Variants in PSMD1 observed in about 807,000 individuals in gnomAD.
PSMD1 encodes the protein 26S proteasome non-ATPase regulatory subunit 1.
Under a neutral mutation model 119.0 loss-of-function variants are expected in PSMD1, and 18 were observed. That is an observed-to-expected ratio of 0.15 (90% confidence interval 0.10 to 0.22). The LOEUF is 0.22. Among genes scored for constraint, PSMD1 ranks in the 10% least tolerant of loss-of-function variants. PSMD1 has a pLI of 1.00. For synonymous variants in PSMD1, 374 were observed against 396.6 expected (o/e 0.94, Z 0.68); for missense variants, 702 against 1,158.5 (o/e 0.61, Z 5.72).
chr2:231,057,079 C>T, intron 1 of PSMD1, 38 bp downstream of exon 1: 1 of 1,486,606 alleles, frequency 6.7e-7, no homozygotes, highest in Non-Finnish European at 8.9e-7. Flanking sequence ...GAGGGAGGAG[C>T]CGCCGCCGCG....
At chr2:231,083,104 C>A in intron 13 of PSMD1, 110 bp downstream of exon 13, 1 of 849,834 alleles carries the variant, frequency 1.2e-6, no homozygotes, top group Non-Finnish European at 1.8e-6. Flanking sequence ...ATGGATTTCT[C>A]TAGTTGAAGA....
intron 16 of PSMD1, among the ~76,000 whole-genome samples, chr2:231,137,391 A>C (rs1200281122): frequency 6.6e-6 from 1 of 152,094 alleles, no homozygotes; most frequent in African/African-American, 2.4e-5. Flanking sequence ...CTGGGATTAC[A>C]GGCATGAGCC....
chr2:231,075,710 A>T (rs1419218219), intron 8 of PSMD1, 139 bp downstream of exon 8: 1 of 684,622 alleles, frequency 1.5e-6, no homozygotes, highest in Non-Finnish European at 2.4e-6. Flanking sequence ...CTCCCAAGTA[A>T]ATGGCTGGGA....
intron 23 of PSMD1, among the ~76,000 whole-genome samples, chr2:231,166,596 C>T (rs1055001784): frequency 8.6e-5 from 13 of 151,592 alleles, no homozygotes; most frequent in Non-Finnish European, 1.6e-4. Flanking sequence ...TAATTTATTC[C>T]AAGACAGAGT....
chr2:231,160,415 C>T (rs1696610552), intron 19 of PSMD1, among the ~76,000 whole-genome samples: 1 of 152,166 alleles, frequency 6.6e-6, no homozygotes, highest in Non-Finnish European at 1.5e-5. Flanking sequence ...TATAAATCTT[C>T]ATAATTTGTA....
In PSMD1 at chr2:231,086,030, C is replaced by A. The variant is rs1364169343; in HGVS notation, c.1818+916C>A. ...AAAGCCATAATGCAGCTGAAATAGTCTTTTTCTTTTTTTTTTTTTAGCGAC... is the reference window on the plus strand; with the variant it reads ...AAAGCCATAATGCAGCTGAAATAGTATTTTTCTTTTTTTTTTTTTAGCGAC... On this transcript the variant is annotated intron_variant, in intron 15 of 24. Transcript: ENST00000308696. 6.0e-5 allele frequency among the ~76,000 whole-genome samples: 9 copies of A among 151,064 alleles called. No individual in the cohort carries two copies. The East Asian group carries it at 1.4e-3, about 23-fold the overall frequency.
chr2:231,133,453 T>G (rs1574760558), intron 16 of PSMD1: 1 of 152,216 alleles, frequency 6.6e-6, no homozygotes, highest in Non-Finnish European at 1.5e-5. Flanking sequence ...CCTGAAAAAT[T>G]CCCTCTGAAT....
intron 5 of PSMD1, among the ~76,000 whole-genome samples, chr2:231,068,857 A>G (rs1693969915): frequency 6.6e-6 from 1 of 152,258 alleles, no homozygotes; most frequent in African/African-American, 2.4e-5. Flanking sequence ...TTTAATTGAA[A>G]AAGTGAAAAT....
At chr2:231,123,809 C>A in intron 16 of PSMD1, 2 of 1,402,816 alleles carry the variant, frequency 1.4e-6, no homozygotes, top group Non-Finnish European at 2.0e-6. Flanking sequence ...CAGTGGTCAG[C>A]ATGGTTAGTA....
At chr2:231,144,529 T>C (rs1338657946) in intron 17 of PSMD1, among the ~76,000 whole-genome samples, 2 of 144,884 alleles carry the variant, frequency 1.4e-5, no homozygotes, top group African/African-American at 5.2e-5. Flanking sequence ...TCCACCCTCC[T>C]TGGCCTCCCA....
At chr2:231,115,969 C>T (rs1367597274) in intron 16 of PSMD1, among the ~76,000 whole-genome samples, 3 of 152,066 alleles carry the variant, frequency 2.0e-5, no homozygotes, top group Non-Finnish European at 4.4e-5. Flanking sequence ...AGGTTTGTGT[C>T]TGAGTCTTAA....
rs908272867 is a variant in PSMD1, at chr2:231,067,664, C to CT, written c.510+563dup. ...TATTTTTTACATTTCTTTTTTCTTT[C>CT]TTTTTTTTTTGAGATGGAGTCTCGC... On this transcript the variant is annotated intron_variant, in intron 5 of 24. Transcript: ENST00000308696. 1.8e-3 allele frequency among the ~76,000 whole-genome samples: 267 copies of CT among 149,184 alleles called. 2 individuals are homozygous for CT. Among genetic ancestry groups the CT allele is most frequent in the African/African-American group, 6.1e-3 (250 of 40,766 alleles).
At chr2:231,068,183 A>G (rs1049795943) in intron 5 of PSMD1, among the ~76,000 whole-genome samples, 1 of 152,132 alleles carries the variant, frequency 6.6e-6, no homozygotes, top group African/African-American at 2.4e-5. Flanking sequence ...TTCCCACTAG[A>G]TCATAAGCTA....
At chr2:231,101,191 C>T (rs1047056490) in intron 16 of PSMD1, among the ~76,000 whole-genome samples, 1 of 152,124 alleles carries the variant, frequency 6.6e-6, no homozygotes, top group Non-Finnish European at 1.5e-5. Flanking sequence ...AGAGAGCAGT[C>T]CTGCACACGA....
intron 14 of PSMD1, among the ~76,000 whole-genome samples, chr2:231,084,761 C>CT (rs1240179909): frequency 6.6e-6 from 1 of 152,156 alleles, no homozygotes; most frequent in Non-Finnish European, 1.5e-5. Context: ...GTTGACTTGA[C>CT]TTTATACTTC....
At chr2:231,061,881 CCA>C (rs759285570) in intron 2 of PSMD1, among the ~76,000 whole-genome samples, 4 of 152,130 alleles carry the variant, frequency 2.6e-5, no homozygotes, top group Non-Finnish European at 5.9e-5. Flanking sequence ...TTCCCCCGCC[CCA>C]GTTTCATTAT....
intron 21 of PSMD1, 128 bp downstream of exon 21, chr2:231,163,855 C>A: frequency 1.4e-6 from 1 of 700,082 alleles, no homozygotes; most frequent in Non-Finnish European, 2.3e-6. Flanking sequence ...TGACATTACA[C>A]AAGAATATGA....
At chr2:231,076,211 G>A (rs1010730008) in intron 8 of PSMD1, among the ~76,000 whole-genome samples, 10 of 152,286 alleles carry the variant, frequency 6.6e-5, no homozygotes, top group African/African-American at 2.2e-4. Flanking sequence ...TATATGGGAG[G>A]GAGGCTAATT....
rs755777112 is a variant in PSMD1 at position 231,146,227 on chromosome 2, T to A, written c.1999-13T>A. 4.4e-6 allele frequency: 7 copies of A among 1,582,420 alleles called. No individual in the cohort carries two copies. The highest frequency in any genetic ancestry group is 3.3e-5 in the South Asian group (3 of 90,120). ...TTTATTTAAAAGTTGTGTGTTTTTT[T>A]AAATTCTTTCAGGAAGCCATTAATT... On this transcript the variant is annotated splice_polypyrimidine_tract_variant and intron_variant, in intron 17 of 24. Transcript: ENST00000308696.
Sources: gnomAD v4.1 joint callset for allele counts (sites outside exome capture counted in the v4.1 genomes callset) on GRCh38, gnomAD v4.1.1 for gene constraint, MANE v1.5 for transcripts, NCBI Gene and HGNC (gene_info 2026-07-23, HGNC 2026-07-21) for gene names.